Variants in LRRC4B observed in about 807,000 individuals in gnomAD.
The protein encoded by LRRC4B is leucine-rich repeat-containing protein 4B.
Under a neutral mutation model 7.3 loss-of-function variants are expected in LRRC4B, and 1 was observed. The observed-to-expected ratio is 0.14, with a 90% CI of 0.05 to 0.65. The LOEUF (loss-of-function observed/expected upper bound fraction) is 0.65. Among genes scored for constraint, LRRC4B ranks in the 30% least tolerant of loss-of-function variants. The pLI is 0.84. For synonymous variants in LRRC4B, 500 were observed against 499.2 expected (o/e 1.00, Z -0.02); for missense variants, 730 against 1,041.6 (o/e 0.70, Z 4.12).
In LRRC4B at chr19:50,563,665, C is replaced by T. The variant is rs1190635027; in HGVS notation, c.-36+4279G>A. Among the ~76,000 whole-genome samples the T allele has an allele frequency of 6.6e-6, 1 of 152,202 alleles. No individual in the cohort carries two copies. The highest frequency in any genetic ancestry group is 1.5e-5 in the Non-Finnish European group (1 of 68,034). ...ACCCCCTGCCTACGGGCTGTGATGC[C>T]ACATGCTGGGGACAAGAGTGTGGGG... On this transcript the variant is annotated intron_variant, in intron 1 of 2. Transcript: ENST00000652263. The surrounding 1 kb of genome is among the most constrained non-coding windows in gnomAD (Gnocchi z 4.9).
At chr19:50,554,385 G>A (rs1424785270) in intron 1 of LRRC4B, among the ~76,000 whole-genome samples, 4 of 152,042 alleles carry the variant, frequency 2.6e-5, no homozygotes, top group Non-Finnish European at 5.9e-5. Flanking sequence ...GCACCACCCG[G>A]ATGGCTAAGT....
intron 2 of LRRC4B, among the ~76,000 whole-genome samples, chr19:50,547,075 G>A (rs574721507): frequency 5.0e-4 from 76 of 152,356 alleles, no homozygotes; most frequent in African/African-American, 1.6e-3. Flanking sequence ...CCGGGGGCAG[G>A]TGCATGGGGA....
chr19:50,567,641 C>T (rs1982675137), intron 1 of LRRC4B, among the ~76,000 whole-genome samples: 1 of 151,180 alleles, frequency 6.6e-6, no homozygotes, highest in East Asian at 2.0e-4. Flanking sequence ...CCTACTTCCT[C>T]AGCCCCACAG....
chr19:50,527,826 C>T (rs1980885882), intron 2 of LRRC4B, among the ~76,000 whole-genome samples: 1 of 151,552 alleles, frequency 6.6e-6, no homozygotes, highest in Non-Finnish European at 1.5e-5. Flanking sequence ...ACTGCAAGCT[C>T]CGCCTTCTGG....
rs140687360 is a variant in LRRC4B, at chr19:50,544,232, C to T, written c.297+4310G>A. On this transcript the variant is annotated intron_variant, in intron 2 of 2. Transcript: ENST00000652263. ...CAAAAAAAATAAAAAATAGGCCGGGCGCAGTGGCTCATGCCTGTAATCCCA... is the reference window on the plus strand; with the variant it reads ...CAAAAAAAATAAAAAATAGGCCGGGTGCAGTGGCTCATGCCTGTAATCCCA... Among the ~76,000 whole-genome samples, 557 of 147,814 alleles carry T rather than the reference C, an allele frequency of 3.8e-3. 4 individuals are homozygous for T. Among genetic ancestry groups the T allele is most frequent in the African/African-American group, 0.013 (521 of 39,916 alleles).
intron 2 of LRRC4B, among the ~76,000 whole-genome samples, chr19:50,530,932 G>C (rs112750218): frequency 6.8e-4 from 101 of 149,174 alleles, no homozygotes; most frequent in African/African-American, 1.4e-3. Context: ...GAAACCTGGG[G>C]GGGGGGGGTC....
chr19:50,528,634 T>C (rs1384256840), intron 2 of LRRC4B, among the ~76,000 whole-genome samples: 1 of 152,212 alleles, frequency 6.6e-6, no homozygotes, highest in Non-Finnish European at 1.5e-5. Flanking sequence ...CGTGAGCCAC[T>C]GCGCCCGGCC....
chr19:50,552,538 A>G (rs1474468773), intron 1 of LRRC4B, among the ~76,000 whole-genome samples: 1 of 151,788 alleles, frequency 6.6e-6, no homozygotes, highest in Non-Finnish European at 1.5e-5. Flanking sequence ...CATTCAACTT[A>G]TCCGCCCATC....
intron 2 of LRRC4B, among the ~76,000 whole-genome samples, chr19:50,522,088 G>T (rs993001228): frequency 6.6e-6 from 1 of 152,130 alleles, no homozygotes; most frequent in African/African-American, 2.4e-5. Context: ...TAAGATGGGA[G>T]GATCGCCTGA....
In LRRC4B at chr19:50,517,499, C is replaced by T; in HGVS notation, c.*72G>A. On this transcript the variant is annotated 3_prime_UTR_variant, in exon 3 of 3. Transcript: ENST00000652263. The surrounding 1 kb of genome is among the most constrained non-coding windows in gnomAD (Gnocchi z 6.6). ...GGCTGGGCTGTGGGAGGGAGGGGTC[C>T]CGGTCAGGCTGCGCCCGGGCTGGGA... 1 of 1,305,486 alleles carries T rather than the reference C, an allele frequency of 7.7e-7. No individual in the cohort carries two copies. The allele number at this position is 1,305,486 out of a possible 1,614,324, so 80.9% of individuals were successfully genotyped here. A position where few individuals can be genotyped will look rare whatever the true frequency, so the allele number is the denominator to read the frequency against.
At chr19:50,549,787 T>C (rs1981975651) in intron 1 of LRRC4B, among the ~76,000 whole-genome samples, 1 of 151,338 alleles carries the variant, frequency 6.6e-6, no homozygotes. Flanking sequence ...CCCGAGACTG[T>C]GGGTGCTCCA....
At position 50,568,316 on chromosome 19, in the gene LRRC4B, G is replaced by T. The variant is rs1243567040; in HGVS notation, c.-408C>A. On this transcript the variant is annotated 5_prime_UTR_variant, in exon 1 of 3. Transcript: ENST00000652263. ...CCTTCCTCCCTCCTCGGGCCCGCCG[G>T]CGCCGCTCTCCCCCCACCCCACCCC... 6.7e-6 allele frequency among the ~76,000 whole-genome samples: 1 copy of T among 149,766 alleles called. No homozygotes were observed. The highest frequency in any genetic ancestry group is 1.5e-5 in the Non-Finnish European group (1 of 67,164).
chr19:50,534,981 G>C (rs537942329), intron 2 of LRRC4B, among the ~76,000 whole-genome samples: 3 of 151,274 alleles, frequency 2.0e-5, no homozygotes, highest in African/African-American at 7.3e-5. Flanking sequence ...TGATTCTCCT[G>C]CCTCAGCCTC....
At chr19:50,539,303 T>C (rs10413201) in intron 2 of LRRC4B, among the ~76,000 whole-genome samples, 102,777 of 152,100 alleles carry the variant, frequency 0.68, 37,008 homozygotes, top group African/African-American at 0.92. Flanking sequence ...CTGAGGCACA[T>C]GGCAAGCCCA....
In LRRC4B at chr19:50,517,676, G is replaced by A. The variant is rs1980338345; in HGVS notation, c.2037C>T (p.Ser679=). ...GGCCTTTGCCCCCGCAGCCCCCGCC[G>A]CTGGGGTTGCTGCTGTAGTGCGCCT... ...AFKAHYSSNP[S]GGGCGGKGPP... Residue 679 remains serine (S), a synonymous_variant, in exon 3 of 3, where the codon AGC becomes AGT. Coordinates refer to ENST00000652263, the MANE Select transcript of LRRC4B (RefSeq NM_001080457.2). This position sits in a 1 kb window ranked among gnomAD's most constrained non-coding sequence, Gnocchi z 6.6. The A allele has an allele frequency of 2.0e-6, 3 of 1,536,532 alleles. No homozygotes were observed. Among genetic ancestry groups the A allele is most frequent in the South Asian group, 1.2e-5 (1 of 81,062 alleles).
At position 50,563,839 on chromosome 19, in the gene LRRC4B, G is replaced by A. The variant is rs1399769514; in HGVS notation, c.-36+4105C>T. Among the ~76,000 whole-genome samples, 2 of 152,190 alleles carry A rather than the reference G, an allele frequency of 1.3e-5. No individual in the cohort carries two copies. The highest frequency in any genetic ancestry group is 2.9e-5 in the Non-Finnish European group (2 of 68,042). On this transcript the variant is annotated intron_variant, in intron 1 of 2. Coordinates refer to ENST00000652263, the MANE Select transcript of LRRC4B (RefSeq NM_001080457.2). This position sits in a 1 kb window ranked among gnomAD's most constrained non-coding sequence, Gnocchi z 4.9. ...AGAATGGGCGTGTGCTCTGCGTCCT[G>A]GCAGTCTTAAGAACCACTTCTCCCA... is the stretch of plus-strand genomic sequence containing the variant.
rs1302912100 is a variant in LRRC4B, at chr19:50,517,453, C to G, written c.*118G>C. ...GCTGGAAGCCACCTCTCCCCAATTC[C>G]CTGCGTGGTCCCAGAAGGTGGGCTG... On this transcript the variant is annotated 3_prime_UTR_variant, in exon 3 of 3. Transcript: ENST00000652263. The surrounding 1 kb of genome is among the most constrained non-coding windows in gnomAD (Gnocchi z 6.6). 5 of 949,176 alleles carry G rather than the reference C, an allele frequency of 5.3e-6. No individual in the cohort carries two copies. Among genetic ancestry groups the G allele is most frequent in the Non-Finnish European group, 7.0e-6 (5 of 714,780 alleles). 58.8% of individuals were successfully genotyped at this position (949,176 alleles called of 1,614,324 possible). A position where few individuals can be genotyped will look rare whatever the true frequency, so the allele number is the denominator to read the frequency against.
rs193140268 is a variant in LRRC4B at position 50,563,868 on chromosome 19, A to G, written c.-36+4076T>C. 1.3e-5 allele frequency among the ~76,000 whole-genome samples: 2 copies of G among 152,250 alleles called. No homozygotes were observed. The highest frequency in any genetic ancestry group is 3.9e-4 in the East Asian group (2 of 5,178). On this transcript the variant is annotated intron_variant, in intron 1 of 2. Transcript: ENST00000652263. The surrounding 1 kb of genome is among the most constrained non-coding windows in gnomAD (Gnocchi z 4.9). ...GTCTTAAGAACCACTTCTCCCAGAGAAGGATAAGACTCTTCCTGCTCTCGG... is the reference window on the plus strand; with the variant it reads ...GTCTTAAGAACCACTTCTCCCAGAGGAGGATAAGACTCTTCCTGCTCTCGG...
At chr19:50,554,836 C>T (rs560880722) in intron 1 of LRRC4B, among the ~76,000 whole-genome samples, 5 of 152,328 alleles carry the variant, frequency 3.3e-5, no homozygotes, top group Non-Finnish European at 7.4e-5. Context: ...GCGAAACACA[C>T]GGCTAGGAAG....
Sources: allele counts gnomAD v4.1 joint callset (sites outside exome capture counted in the v4.1 genomes callset), GRCh38; gene constraint gnomAD v4.1.1; non-coding constraint Gnocchi (gnomAD v3.1); transcripts MANE v1.5; gene names NCBI Gene and HGNC (gene_info 2026-07-23, HGNC 2026-07-21).